The following CAMSAP1 variants were observed in gnomAD, a reference collection of about 807,000 sequenced individuals.
CAMSAP1 encodes calmodulin regulated spectrin associated protein 1, also known as calmodulin-regulated spectrin-associated protein 1.
CAMSAP1 carries 58 observed loss-of-function variants against 143.5 expected under a neutral mutation model. The observed-to-expected ratio is 0.40, with a 90% CI of 0.33 to 0.50. CAMSAP1 has a LOEUF of 0.50. CAMSAP1 is among the 20% of genes least tolerant of loss of function. The pLI is 0.45. For synonymous variants in CAMSAP1, 945 were observed against 859.3 expected, an observed-to-expected ratio of 1.10 and a Z score of -1.74; for missense variants, 1,969 against 2,115.7, an observed-to-expected ratio of 0.93 and a Z score of 1.36.
intron 1 of CAMSAP1, among the ~76,000 whole-genome samples, chr9:135,906,010 C>G (rs548671664): frequency 6.7e-4 from 102 of 152,186 alleles, no homozygotes; most frequent in Non-Finnish European, 9.3e-4. Flanking sequence ...AAACTCTTTC[C>G]CAATTACTAC....
chr9:135,842,751 A>G (rs1004632668), intron 7 of CAMSAP1, among the ~76,000 whole-genome samples: 2 of 152,254 alleles, frequency 1.3e-5, no homozygotes, highest in African/African-American at 4.8e-5. Flanking sequence ...AAGCTTCATA[A>G]GCGAAGGAGA....
chr9:135,871,824 C>T (rs907144451), intron 3 of CAMSAP1, among the ~76,000 whole-genome samples: 18 of 152,072 alleles, frequency 1.2e-4, no homozygotes, highest in Admixed American at 8.5e-4. Flanking sequence ...AGGTCCTGGC[C>T]AGGCGTGGTG....
Position 135,824,894 on chromosome 9 carries a change from G to T in CAMSAP1, c.1224-14C>A, listed in dbSNP as rs777773979. On this transcript the variant is annotated splice_polypyrimidine_tract_variant and intron_variant, in intron 8 of 16. Coordinates refer to ENST00000389532, the MANE Select transcript of CAMSAP1 (RefSeq NM_015447.4). The surrounding 1 kb of genome is among the most constrained non-coding windows in gnomAD (Gnocchi z 4.1). The stretch of plus-strand genomic sequence containing the variant: ...GTTCCTTTCCCGCTAAATGGAAAAA[G>T]AATTACAGGGAAAATCATTCCTTTA... 7 of 1,556,404 alleles carry T rather than the reference G, an allele frequency of 4.5e-6. No homozygotes were observed. Among genetic ancestry groups the T allele is most frequent in the South Asian group, 1.2e-5 (1 of 84,246 alleles).
At chr9:135,813,762 T>C (rs1835133534) in intron 16 of CAMSAP1, among the ~76,000 whole-genome samples, 1 of 152,234 alleles carries the variant, frequency 6.6e-6, no homozygotes, top group African/African-American at 2.4e-5. Flanking sequence ...GTCTGCACGC[T>C]GACGCTGGTT....
intron 7 of CAMSAP1, 21 bp downstream of exon 7, chr9:135,850,116 T>TGG (rs1298249695): frequency 6.3e-7 from 1 of 1,585,370 alleles, no homozygotes; most frequent in Admixed American, 1.8e-5. Flanking sequence ...ATTGCCAACC[T>TGG]GGGGAATATC....
Position 135,815,881 on chromosome 9 carries a change from C to T in CAMSAP1, c.4387+9G>A. 2 of 1,612,534 alleles carry T rather than the reference C, an allele frequency of 1.2e-6. No individual in the cohort carries two copies. Among genetic ancestry groups the T allele is most frequent in the Non-Finnish European group, 1.7e-6 (2 of 1,179,100 alleles). On this transcript the variant is annotated intron_variant, in intron 15 of 16. Coordinates refer to ENST00000389532, the MANE Select transcript of CAMSAP1 (RefSeq NM_015447.4). ...CACGATGACCTCTAAGGAGGGCGAA[C>T]GCCGTCACCTGTGTACTCGGCCACT...
intron 5 of CAMSAP1, among the ~76,000 whole-genome samples, chr9:135,856,963 A>G (rs1391284524): frequency 6.6e-6 from 1 of 152,204 alleles, no homozygotes; most frequent in African/African-American, 2.4e-5. Context: ...CACACTCCCC[A>G]GCACTGGGAA....
intron 5 of CAMSAP1, among the ~76,000 whole-genome samples, chr9:135,853,895 G>C (rs182114455): frequency 2.5e-3 from 388 of 152,388 alleles, no homozygotes; most frequent in Non-Finnish European, 4.0e-3. Context: ...GCCACGATCA[G>C]AAGGGGGCAG....
intron 2 of CAMSAP1, 85 bp from the exon 3 acceptor site, chr9:135,881,879 T>C (rs1837967173): frequency 6.8e-7 from 1 of 1,479,438 alleles, no homozygotes; most frequent in South Asian, 1.3e-5. Flanking sequence ...ATACTCAGCA[T>C]TCTGGCCTAA....
At chr9:135,896,043 T>C (rs896428717) in intron 1 of CAMSAP1, among the ~76,000 whole-genome samples, 1 of 152,164 alleles carries the variant, frequency 6.6e-6, no homozygotes, top group Non-Finnish European at 1.5e-5. Flanking sequence ...ACGTTATAAA[T>C]AGTAATTGTT....
Position 135,907,333 on chromosome 9 carries a change from G to T in CAMSAP1, c.-174C>A. ...CACAGCCGCCGCCGTCGCCGCCCCC[G>T]CGGCTGCTGCATGCTGCGGGCGCTG... is the stretch of plus-strand genomic sequence containing the variant. On this transcript the variant is annotated 5_prime_UTR_variant, in exon 1 of 17. Transcript: ENST00000389532. 1 of 216,758 alleles carries T rather than the reference G, an allele frequency of 4.6e-6. No homozygotes were observed. The highest frequency in any genetic ancestry group is 7.7e-6 in the Non-Finnish European group (1 of 130,608). 13.4% of individuals were successfully genotyped at this position (216,758 alleles called of 1,614,324 possible). A position where few individuals can be genotyped will look rare whatever the true frequency, so the allele number is the denominator to read the frequency against.
At chr9:135,840,677 T>G (rs1053572092) in intron 7 of CAMSAP1, among the ~76,000 whole-genome samples, 1 of 152,114 alleles carries the variant, frequency 6.6e-6, no homozygotes, top group Non-Finnish European at 1.5e-5. Context: ...CCCAGCTCAT[T>G]TCATTGGGGC....
chr9:135,810,980 G>A lies in CAMSAP1; in HGVS notation c.*329C>T. On this transcript the variant is annotated 3_prime_UTR_variant, in exon 17 of 17. Coordinates refer to ENST00000389532, the MANE Select transcript of CAMSAP1 (RefSeq NM_015447.4). ...TGCTGAAGGAGAACTTCAAGTAAGGGAGCTCCGTGGCCCGGGACCTGGCTG... is the reference window on the plus strand; with the variant it reads ...TGCTGAAGGAGAACTTCAAGTAAGGAAGCTCCGTGGCCCGGGACCTGGCTG... 1 of 356,894 alleles carries A rather than the reference G, an allele frequency of 2.8e-6. No homozygotes were observed. 22.1% of individuals were successfully genotyped at this position (356,894 alleles called of 1,614,324 possible).
chr9:135,862,247 C>A (rs560823731), intron 5 of CAMSAP1, among the ~76,000 whole-genome samples: 2 of 151,918 alleles, frequency 1.3e-5, no homozygotes, highest in African/African-American at 4.8e-5. Context: ...CCACCACACC[C>A]AGCTAATTTC....
intron 5 of CAMSAP1, among the ~76,000 whole-genome samples, chr9:135,850,803 C>T (rs566188080): frequency 2.0e-5 from 3 of 152,302 alleles, no homozygotes; most frequent in Non-Finnish European, 2.9e-5. Context: ...AATGTTGAGC[C>T]GAGTTTCTTC....
chr9:135,905,101 GTTTCT>G (rs918732812), intron 1 of CAMSAP1, among the ~76,000 whole-genome samples: 1 of 152,156 alleles, frequency 6.6e-6, no homozygotes, highest in Non-Finnish European at 1.5e-5. Flanking sequence ...TCCTGTTCAT[GTTTCT>G]TTTCTTTAAA....
chr9:135,810,644 G>A lies in CAMSAP1; in HGVS notation c.*665C>T, dbSNP rs1835011482. On this transcript the variant is annotated 3_prime_UTR_variant, in exon 17 of 17. Coordinates refer to ENST00000389532, the MANE Select transcript of CAMSAP1 (RefSeq NM_015447.4). ...CGGAAGACAGGCTTTGCAGATTTCG[G>A]TGCTTTTAGTGAACTGGTGTTTTCC... 6.6e-6 allele frequency: 1 copy of A among 152,634 alleles called. No homozygotes were observed. 9.5% of individuals were successfully genotyped at this position (152,634 alleles called of 1,614,324 possible). A position where few individuals can be genotyped will look rare whatever the true frequency, so the allele number is the denominator to read the frequency against.
intron 7 of CAMSAP1, among the ~76,000 whole-genome samples, chr9:135,832,107 A>T (rs965277548): frequency 6.6e-6 from 1 of 152,212 alleles, no homozygotes; most frequent in Admixed American, 6.5e-5. Flanking sequence ...GCAGACATAG[A>T]CACCAGAAGG....
intron 1 of CAMSAP1, 38 bp downstream of exon 1, chr9:135,906,962 G>T: frequency 1.0e-6 from 1 of 990,750 alleles, no homozygotes; most frequent in Non-Finnish European, 1.2e-6. Flanking sequence ...CCCGGCCCGC[G>T]CCCCTGGCCC....
Sources: allele counts gnomAD v4.1 joint callset (sites outside exome capture counted in the v4.1 genomes callset), GRCh38; gene constraint gnomAD v4.1.1; non-coding constraint Gnocchi (gnomAD v3.1); transcripts MANE v1.5; gene names NCBI Gene and HGNC (gene_info 2026-07-23, HGNC 2026-07-21).